PLCL2: variants seen among roughly 807,000 people sequenced by gnomAD.
PLCL2 encodes inactive phospholipase C-like protein 2.
In PLCL2, 4 loss-of-function variants were observed where a neutral mutation model predicts 79.6. The observed-to-expected ratio is 0.05, with a 90% confidence interval of 0.02 to 0.11. The LOEUF is 0.11. PLCL2 is among the 10% of genes least tolerant of loss of function. The pLI, the probability that PLCL2 is intolerant of heterozygous loss-of-function variation, is 1.00. For missense variants in PLCL2, 895 were observed against 1,291.0 expected, an observed-to-expected ratio of 0.69 and a Z score of 4.70; for synonymous variants, 484 against 457.7, an observed-to-expected ratio of 1.06 and a Z score of -0.73.
intron 1 of PLCL2, among the ~76,000 whole-genome samples, chr3:16,964,048 G>T (rs2124972460): frequency 6.6e-6 from 1 of 152,212 alleles, no homozygotes; most frequent in East Asian, 1.9e-4. Context: ...TATACTTTAA[G>T]TTCTAGGGTA....
rs201563489 is a variant in PLCL2 at position 17,063,315 on chromosome 3, C to CT, written c.3095-4632dup. Among the ~76,000 whole-genome samples, 7 of 59,182 alleles carry CT rather than the reference C, an allele frequency of 1.2e-4. No individual in the cohort carries two copies. In the East Asian group the frequency reaches 1.7e-3, roughly 14 times the overall value. The allele number at this position is 59,182 out of a possible 152,430, so 38.8% of individuals were successfully genotyped here. Reference sequence around the variant, plus strand: ...CTTCTTCTTCATTCCCTCCTTCCTTCTTTTTTTTTAGGATAGACAGTCTTA... The same window carrying CT: ...CTTCTTCTTCATTCCCTCCTTCCTTCTTTTTTTTTTAGGATAGACAGTCTTA... On this transcript the variant is annotated intron_variant, in intron 4 of 5. Coordinates refer to ENST00000615277, the MANE Select transcript of PLCL2 (RefSeq NM_001144382.2).
intron 1 of PLCL2, among the ~76,000 whole-genome samples, chr3:16,963,474 T>C (rs2063775071): frequency 2.0e-5 from 3 of 152,152 alleles, no homozygotes; most frequent in African/African-American, 2.4e-5. Context: ...ATAGATATTA[T>C]AAAATCAAAT....
At chr3:17,034,413 TAAAA>T (rs1178968941) in intron 3 of PLCL2, among the ~76,000 whole-genome samples, 2 of 152,144 alleles carry the variant, frequency 1.3e-5, no homozygotes, top group Non-Finnish European at 2.9e-5. Flanking sequence ...TATTGGGAAA[TAAAA>T]AAAATTATCA....
At chr3:17,080,774 C>G (rs1353479891) in intron 5 of PLCL2, among the ~76,000 whole-genome samples, 2 of 152,228 alleles carry the variant, frequency 1.3e-5, no homozygotes, top group Admixed American at 6.5e-5. Flanking sequence ...ACTCATTCCT[C>G]ATTCAACAAA....
chr3:16,988,791 G>A (rs966281481), intron 1 of PLCL2, among the ~76,000 whole-genome samples: 3 of 151,888 alleles, frequency 2.0e-5, no homozygotes, highest in Non-Finnish European at 2.9e-5. Flanking sequence ...AGCAAAATAT[G>A]CTTTTCATAA....
At chr3:16,987,279 G>C (rs2064060611) in intron 1 of PLCL2, among the ~76,000 whole-genome samples, 1 of 152,002 alleles carries the variant, frequency 6.6e-6, no homozygotes, top group Non-Finnish European at 1.5e-5. Context: ...ATTCAGAAAC[G>C]CTTCCTAGCA....
chr3:16,912,524 C>T (rs1048108113), intron 1 of PLCL2, among the ~76,000 whole-genome samples: 1 of 152,152 alleles, frequency 6.6e-6, no homozygotes, highest in Non-Finnish European at 1.5e-5. Context: ...TTTGTTTCTG[C>T]CCTTGTAACA....
intron 1 of PLCL2, among the ~76,000 whole-genome samples, chr3:16,932,842 T>C (rs1202909722): frequency 1.3e-5 from 2 of 152,242 alleles, no homozygotes; most frequent in African/African-American, 4.8e-5. Flanking sequence ...TGTCTTGCCA[T>C]GATGGCTGTT....
chr3:17,035,963 T>G (rs2064646968), intron 3 of PLCL2, among the ~76,000 whole-genome samples: 1 of 152,154 alleles, frequency 6.6e-6, no homozygotes, highest in Non-Finnish European at 1.5e-5. Context: ...TTCTTTTATA[T>G]AGGGTTTTTT....
chr3:17,020,736 G>A (rs1008401235), intron 3 of PLCL2, among the ~76,000 whole-genome samples: 4 of 152,140 alleles, frequency 2.6e-5, no homozygotes, highest in Admixed American at 2.6e-4. Flanking sequence ...TTGCTGAGTA[G>A]TCTCTTCTAA....
intron 1 of PLCL2, among the ~76,000 whole-genome samples, chr3:16,937,949 C>T (rs1697581192): frequency 6.6e-6 from 1 of 152,002 alleles, no homozygotes; most frequent in Non-Finnish European, 1.5e-5. Flanking sequence ...CAGAAATTAC[C>T]TTATGAAAAG....
chr3:16,939,142 G>C (rs1300505470), intron 1 of PLCL2, among the ~76,000 whole-genome samples: 1 of 151,814 alleles, frequency 6.6e-6, no homozygotes, highest in Admixed American at 6.6e-5. Context: ...AGATAGCAAA[G>C]GGTAAGCGGG....
At chr3:17,028,280 C>A (rs950821239) in intron 3 of PLCL2, among the ~76,000 whole-genome samples, 4 of 152,056 alleles carry the variant, frequency 2.6e-5, no homozygotes, top group African/African-American at 9.7e-5. Flanking sequence ...CTGTGCTAAC[C>A]ACACTCAGTT....
At position 17,012,179 on chromosome 3, in the gene PLCL2, T is replaced by A. The variant is rs1209392647; in HGVS notation, c.2814+19T>A. 2.5e-6 allele frequency: 4 copies of A among 1,584,966 alleles called. No homozygotes were observed. The highest frequency in any genetic ancestry group is 3.4e-6 in the Non-Finnish European group (4 of 1,165,020). Reference sequence around the variant, plus strand: ...CATGCAGGTGCGTGCTTGTGTTTAATCATTTACTCAATGGTTTTCCTACTT... The same window carrying A: ...CATGCAGGTGCGTGCTTGTGTTTAAACATTTACTCAATGGTTTTCCTACTT... On this transcript the variant is annotated intron_variant, in intron 2 of 5. Transcript: ENST00000615277.
chr3:17,061,793 G>T (rs1017476448), intron 4 of PLCL2, among the ~76,000 whole-genome samples: 1 of 152,166 alleles, frequency 6.6e-6, no homozygotes, highest in Non-Finnish European at 1.5e-5. Flanking sequence ...CATGATTTGG[G>T]CAGTCCTCAC....
intron 3 of PLCL2, among the ~76,000 whole-genome samples, chr3:17,027,063 A>T (rs2064524905): frequency 6.6e-6 from 1 of 152,118 alleles, no homozygotes; most frequent in Non-Finnish European, 1.5e-5. Flanking sequence ...CATAGCCAAA[A>T]TTTTTTGTCC....
chr3:17,052,236 CAAAAAAAA>C (rs35316797), intron 4 of PLCL2, among the ~76,000 whole-genome samples: 1 of 97,242 alleles, frequency 1.0e-5, no homozygotes, highest in Non-Finnish European at 2.1e-5. Context: ...GTGAATATGG[CAAAAAAAA>C]AAAAAAAAAT....
chr3:17,058,599 A>G (rs568312443), intron 4 of PLCL2, among the ~76,000 whole-genome samples: 72 of 152,222 alleles, frequency 4.7e-4, no homozygotes, highest in African/African-American at 1.7e-3. Flanking sequence ...TCCAAGTCTA[A>G]AGTTTGGAGG....
At chr3:16,968,110 A>G (rs1014831661) in intron 1 of PLCL2, among the ~76,000 whole-genome samples, 6 of 151,904 alleles carry the variant, frequency 3.9e-5, no homozygotes, top group Admixed American at 3.9e-4. Context: ...ATCCCATTCC[A>G]TTGATCCATG....
Sources: gnomAD v4.1 joint callset for allele counts (sites outside exome capture counted in the v4.1 genomes callset) on GRCh38, gnomAD v4.1.1 for gene constraint, MANE v1.5 for transcripts, NCBI Gene and HGNC (gene_info 2026-07-23, HGNC 2026-07-21) for gene names.